LAMA2: variants seen among roughly 807,000 people sequenced by gnomAD.
The protein encoded by LAMA2 is laminin subunit alpha 2, also known as laminin subunit alpha-2.
LAMA2 carries 269 observed loss-of-function variants against 364.8 expected under a neutral mutation model. The observed-to-expected ratio is 0.74, with a 90% CI of 0.67 to 0.82. LAMA2 has a LOEUF of 0.82. Among genes scored for constraint, LAMA2 ranks in the 40% least tolerant of loss-of-function variants. LAMA2 has a pLI of 0.00. For missense variants in LAMA2, 3,807 were observed against 3,873.2 expected, an observed-to-expected ratio of 0.98 and a Z score of 0.45; for synonymous variants, 1,379 against 1,370.6, an observed-to-expected ratio of 1.01 and a Z score of -0.14.
chr6:129,478,296 G>C (rs1161144943), intron 53 of LAMA2, among the ~76,000 whole-genome samples: 2 of 151,682 alleles, frequency 1.3e-5, no homozygotes, highest in African/African-American at 4.9e-5. Flanking sequence ...TAACTTTTGA[G>C]CAAGGTTTTT....
At chr6:129,024,739 C>T (rs1308584919) in intron 1 of LAMA2, among the ~76,000 whole-genome samples, 1 of 151,828 alleles carries the variant, frequency 6.6e-6, no homozygotes, top group Non-Finnish European at 1.5e-5. Flanking sequence ...ATGGTATATC[C>T]AAATAGCTAC....
intron 17 of LAMA2, among the ~76,000 whole-genome samples, chr6:129,279,411 A>T (rs553196379): frequency 3.3e-5 from 5 of 152,284 alleles, no homozygotes; most frequent in Admixed American, 2.6e-4. Flanking sequence ...GTGCAAAGAG[A>T]GAAGTGAATT....
intron 1 of LAMA2, among the ~76,000 whole-genome samples, chr6:128,984,152 A>G (rs1783069331): frequency 6.6e-6 from 1 of 152,000 alleles, no homozygotes; most frequent in Non-Finnish European, 1.5e-5. Flanking sequence ...CCTTCCTTTC[A>G]GTCATTCTTG....
chr6:129,320,410 CAAAA>C (rs1172370061), intron 27 of LAMA2, 124 bp from the exon 28 acceptor site: 2 of 735,722 alleles, frequency 2.7e-6, no homozygotes, highest in African/African-American at 3.5e-5. Flanking sequence ...CAATTAAAAA[CAAAA>C]AGACAATAGA....
At chr6:129,407,569 A>T (rs925484313) in intron 40 of LAMA2, among the ~76,000 whole-genome samples, 4 of 152,244 alleles carry the variant, frequency 2.6e-5, no homozygotes, top group African/African-American at 9.6e-5. Flanking sequence ...ATAAGGAGGA[A>T]ATATATGACA....
At chr6:129,230,151 G>A (rs1205802153) in intron 12 of LAMA2, among the ~76,000 whole-genome samples, 3 of 152,074 alleles carry the variant, frequency 2.0e-5, no homozygotes, top group African/African-American at 4.8e-5. Flanking sequence ...AACTGAGGAC[G>A]AACTAGAAAG....
chr6:129,153,951 C>T (rs188789406), intron 7 of LAMA2, among the ~76,000 whole-genome samples: 66 of 152,114 alleles, frequency 4.3e-4, no homozygotes, highest in African/African-American at 1.2e-3. Context: ...TAAAATTGCA[C>T]GTTAGTCAAA....
At chr6:129,239,970 A>C (rs1785282899) in intron 12 of LAMA2, among the ~76,000 whole-genome samples, 1 of 152,218 alleles carries the variant, frequency 6.6e-6, no homozygotes, top group Non-Finnish European at 1.5e-5. Flanking sequence ...GAGTAGCAAG[A>C]AAGCCAGTTC....
intron 12 of LAMA2, among the ~76,000 whole-genome samples, chr6:129,207,713 A>T (rs141518143): frequency 1.3e-5 from 2 of 152,194 alleles, no homozygotes. Context: ...TTATTTTTAT[A>T]ATGAAATACA....
intron 58 of LAMA2, among the ~76,000 whole-genome samples, chr6:129,496,687 T>C (rs1676458633): frequency 6.6e-6 from 1 of 152,176 alleles, no homozygotes; most frequent in African/African-American, 2.4e-5. Context: ...TTAAAAGTTT[T>C]ACAGTTTATT....
At chr6:129,180,491 C>T (rs1162068921) in intron 10 of LAMA2, among the ~76,000 whole-genome samples, 1 of 151,936 alleles carries the variant, frequency 6.6e-6, no homozygotes, top group African/African-American at 2.4e-5. Context: ...AAAGAAATAT[C>T]TTACTGAAGT....
chr6:129,172,506 C>T (rs1780249883), intron 9 of LAMA2, among the ~76,000 whole-genome samples: 3 of 152,226 alleles, frequency 2.0e-5, no homozygotes, highest in African/African-American at 4.8e-5. Context: ...GGGTCAGGGA[C>T]CCACTTGAGG....
chr6:129,176,341 A>T (rs1299403693), intron 9 of LAMA2, among the ~76,000 whole-genome samples: 1 of 151,966 alleles, frequency 6.6e-6, no homozygotes, highest in African/African-American at 2.4e-5. Context: ...ATGTTAAGAA[A>T]ATAAGCCTTA....
intron 40 of LAMA2, among the ~76,000 whole-genome samples, chr6:129,414,000 G>A (rs55737366): frequency 0.5 from 75,541 of 151,170 alleles, 19,278 homozygotes; most frequent in African/African-American, 0.61. Context: ...TAAGCAAAGA[G>A]AGACAACACA....
At chr6:129,396,214 T>C (rs1412361572) in intron 37 of LAMA2, among the ~76,000 whole-genome samples, 1 of 152,216 alleles carries the variant, frequency 6.6e-6, no homozygotes, top group Non-Finnish European at 1.5e-5. Context: ...CAAGGTACTG[T>C]TGGTAACCAG....
chr6:129,244,315 A>T (rs1034113958), intron 12 of LAMA2, among the ~76,000 whole-genome samples: 7 of 152,202 alleles, frequency 4.6e-5, no homozygotes, highest in African/African-American at 1.4e-4. Flanking sequence ...CACTGTTTCT[A>T]TGATAAAAGA....
intron 4 of LAMA2, among the ~76,000 whole-genome samples, chr6:129,114,778 C>A (rs1048048281): frequency 1.3e-5 from 2 of 151,996 alleles, no homozygotes; most frequent in Admixed American, 6.6e-5. Flanking sequence ...CCTCCGTTTA[C>A]ATCACATAAA....
At chr6:129,048,167 G>A (rs1562187212) in intron 1 of LAMA2, among the ~76,000 whole-genome samples, 1 of 152,114 alleles carries the variant, frequency 6.6e-6, no homozygotes, top group Non-Finnish European at 1.5e-5. Context: ...CAACGATGCT[G>A]GCTATTATGA....
intron 32 of LAMA2, among the ~76,000 whole-genome samples, chr6:129,363,769 G>A (rs1056077575): frequency 6.6e-6 from 1 of 152,194 alleles, no homozygotes; most frequent in Non-Finnish European, 1.5e-5. Flanking sequence ...CCTACTGGTG[G>A]TTCTGAGGCC....
Sources: allele counts gnomAD v4.1 joint callset (sites outside exome capture counted in the v4.1 genomes callset), GRCh38; gene constraint gnomAD v4.1.1; transcripts MANE v1.5; gene names NCBI Gene and HGNC (gene_info 2026-07-23, HGNC 2026-07-21).